Variants in USP46 observed in about 807,000 individuals in gnomAD.
USP46 encodes the protein ubiquitin carboxyl-terminal hydrolase 46.
In USP46, 12 loss-of-function variants were observed where a neutral mutation model predicts 44.4. That is an observed-to-expected ratio of 0.27 (90% CI 0.17 to 0.44). The LOEUF (loss-of-function observed/expected upper bound fraction) is 0.44. USP46 is among the 20% of genes least tolerant of loss of function. USP46 has a pLI of 1.00. For synonymous variants in USP46, 155 were observed against 161.5 expected (o/e 0.96, Z 0.31); for missense variants, 248 against 444.8 (o/e 0.56, Z 3.98).
At chr4:52,636,083 G>A (rs1333042524) in intron 1 of USP46, among the ~76,000 whole-genome samples, 1 of 152,166 alleles carries the variant, frequency 6.6e-6, no homozygotes, top group African/African-American at 2.4e-5. Flanking sequence ...CTAACCCAGT[G>A]ACCTTACAAT....
intron 7 of USP46, among the ~76,000 whole-genome samples, 170 bp from the exon 8 acceptor site, chr4:52,598,876 G>C (rs958504266): frequency 2.0e-5 from 3 of 152,120 alleles, no homozygotes; most frequent in Admixed American, 6.6e-5. Flanking sequence ...CTGGACACAG[G>C]GGAATACAAA....
chr4:52,648,947 C>CA (rs1448430867), intron 1 of USP46, among the ~76,000 whole-genome samples: 2 of 152,222 alleles, frequency 1.3e-5, no homozygotes, highest in African/African-American at 4.8e-5. Context: ...CCCAATTAGA[C>CA]AGTTTCCTGT....
At chr4:52,658,282 C>T in intron 1 of USP46, 1 of 456,154 alleles carries the variant, frequency 2.2e-6, no homozygotes. Flanking sequence ...GAGGTTCTTC[C>T]TACAGAAAAA....
chr4:52,658,151 A>G, intron 1 of USP46: 1 of 453,248 alleles, frequency 2.2e-6, no homozygotes, highest in Non-Finnish European at 4.4e-6. Flanking sequence ...TAAAGAATGT[A>G]GGCAAAACAC....
intron 2 of USP46, 181 bp from the exon 3 acceptor site, chr4:52,628,344 C>T: frequency 3.5e-6 from 2 of 578,204 alleles, no homozygotes; most frequent in Non-Finnish European, 3.0e-6. Flanking sequence ...CCATCTGATC[C>T]ACAGAGAAAT....
intron 1 of USP46, among the ~76,000 whole-genome samples, chr4:52,638,229 G>A (rs184784753): frequency 3.3e-5 from 5 of 152,118 alleles, no homozygotes; most frequent in African/African-American, 1.2e-4. Flanking sequence ...AATCAGTGAC[G>A]GGACGTGACA....
At position 52,592,888 on chromosome 4, in the gene USP46, C is replaced by T. The variant is rs1376590575; in HGVS notation, c.*4752G>A. Reference sequence around the variant, plus strand: ...GTAACCCCTCCCCCTTTGCTCTCTTCCTCTTGCTCCTGCCATGTAAGATGG... The same window carrying T: ...GTAACCCCTCCCCCTTTGCTCTCTTTCTCTTGCTCCTGCCATGTAAGATGG... On this transcript the variant is annotated 3_prime_UTR_variant, in exon 9 of 9. Coordinates refer to ENST00000441222, the MANE Select transcript of USP46 (RefSeq NM_022832.4). The T allele has an allele frequency of 2.5e-6, 1 of 398,312 alleles. No homozygotes were observed. Among genetic ancestry groups the T allele is most frequent in the African/African-American group, 2.1e-5 (1 of 48,542 alleles). 24.7% of individuals were successfully genotyped at this position (398,312 alleles called of 1,614,324 possible).
chr4:52,601,928 G>A lies in USP46; in HGVS notation c.849C>T (p.Phe283=), dbSNP rs189746044. 6.2e-7 allele frequency: 1 copy of A among 1,614,006 alleles called. No homozygotes were observed. Among genetic ancestry groups the A allele is most frequent in the East Asian group, 2.2e-5 (1 of 44,886 alleles). ...GGTTCACTGCATCACTGGAGGTGTT[G>A]AAGAGCCGGAGTTCCAGAGGGAAGA... ...RVVFPLELRL[F]NTSSDAVNLD... The change falls in exon 7 of 9, where the codon TTC becomes TTT. Residue 283 remains phenylalanine, a synonymous_variant. Coordinates refer to ENST00000441222, the MANE Select transcript of USP46 (RefSeq NM_022832.4).
intron 4 of USP46, 110 bp downstream of exon 4, chr4:52,625,908 A>C: frequency 2.7e-6 from 3 of 1,093,830 alleles, no homozygotes; most frequent in Non-Finnish European, 3.9e-6. Context: ...GATTATTTAC[A>C]TACACTGCAA....
chr4:52,617,391 T>C (rs1279671778), intron 4 of USP46, among the ~76,000 whole-genome samples: 3 of 152,218 alleles, frequency 2.0e-5, no homozygotes, highest in Non-Finnish European at 4.4e-5. Flanking sequence ...CAAAAACATT[T>C]TGTCCTGTTG....
chr4:52,630,751 A>G (rs920095999), intron 2 of USP46, among the ~76,000 whole-genome samples: 5 of 151,776 alleles, frequency 3.3e-5, no homozygotes, highest in African/African-American at 7.2e-5. Flanking sequence ...AAAAAAAAAA[A>G]AAAAGAAAAA....
intron 1 of USP46, among the ~76,000 whole-genome samples, chr4:52,635,612 T>G (rs1231460140): frequency 1.3e-5 from 2 of 152,206 alleles, no homozygotes; most frequent in African/African-American, 4.8e-5. Flanking sequence ...CCTCTTTCTT[T>G]CTTGCTAATG....
rs573476230 is a variant in USP46, at chr4:52,593,080, G to A, written c.*4560C>T. The A allele has an allele frequency of 2.5e-5, 10 of 396,828 alleles. No homozygotes were observed. The highest frequency in any genetic ancestry group is 4.1e-5 in the African/African-American group (2 of 48,694). 24.6% of individuals were successfully genotyped at this position (396,828 alleles called of 1,614,324 possible). ...CACTGCCAGAATGGACAAATACAAC[G>A]ACTTAGTAAGTATTTTTATCTTCAT... On this transcript the variant is annotated 3_prime_UTR_variant, in exon 9 of 9. Coordinates refer to ENST00000441222, the MANE Select transcript of USP46 (RefSeq NM_022832.4).
chr4:52,620,066 A>G (rs984897780), intron 4 of USP46, among the ~76,000 whole-genome samples: 2 of 152,180 alleles, frequency 1.3e-5, no homozygotes, highest in African/African-American at 4.8e-5. Flanking sequence ...ATCATCCAAA[A>G]TTTTCAAAGG....
In USP46 at chr4:52,597,260, T is replaced by C. The variant is rs1224023783; in HGVS notation, c.*380A>G. The C allele has an allele frequency of 5.8e-6, 1 of 173,148 alleles. No homozygotes were observed. The highest frequency in any genetic ancestry group is 1.2e-5 in the Non-Finnish European group (1 of 82,684). 10.7% of individuals were successfully genotyped at this position (173,148 alleles called of 1,614,324 possible). On this transcript the variant is annotated 3_prime_UTR_variant, in exon 9 of 9. Coordinates refer to ENST00000441222, the MANE Select transcript of USP46 (RefSeq NM_022832.4). ...TGCTTCCAGGGACAAGTTAAAGGAA[T>C]GCATTGTAAGAAGACCCTGGAAGCC...
At chr4:52,617,076 C>A (rs7662693) in intron 4 of USP46, among the ~76,000 whole-genome samples, 2 of 151,966 alleles carry the variant, frequency 1.3e-5, no homozygotes, top group African/African-American at 4.8e-5. Context: ...AAAATAATTC[C>A]CAGCATTTAA....
intron 8 of USP46, 151 bp downstream of exon 8, chr4:52,598,477 A>T (rs1716331520): frequency 1.4e-6 from 1 of 722,200 alleles, no homozygotes; most frequent in East Asian, 2.8e-5. Context: ...GAGCATGGGG[A>T]TTAGCAGAAT....
chr4:52,656,353 G>A (rs372513418), intron 1 of USP46: 27 of 1,501,040 alleles, frequency 1.8e-5, no homozygotes, highest in Middle Eastern at 1.8e-4. Flanking sequence ...TAATATTTAC[G>A]TCTGATCCAG....
intron 1 of USP46, among the ~76,000 whole-genome samples, chr4:52,641,730 G>A (rs1029515032): frequency 6.6e-6 from 1 of 152,122 alleles, no homozygotes; most frequent in Non-Finnish European, 1.5e-5. Flanking sequence ...AAAAACGAAG[G>A]CCCAGAGAAG....
Sources: allele counts gnomAD v4.1 joint callset (sites outside exome capture counted in the v4.1 genomes callset), GRCh38; gene constraint gnomAD v4.1.1; transcripts MANE v1.5; gene names NCBI Gene and HGNC (gene_info 2026-07-23, HGNC 2026-07-21).